ANKS1A: variants seen among roughly 807,000 people sequenced by gnomAD.
ANKS1A encodes ankyrin repeat and SAM domain-containing protein 1A.
A neutral mutation model predicts 120.3 loss-of-function variants in ANKS1A; 55 were observed. The observed-to-expected ratio is 0.46, with a 90% CI of 0.37 to 0.57. ANKS1A has a LOEUF of 0.57. Among genes scored for constraint, ANKS1A ranks in the 20% least tolerant of loss-of-function variants. ANKS1A has a pLI of 0.00. For synonymous variants in ANKS1A, 590 were observed against 604.7 expected (o/e 0.98, Z 0.36); for missense variants, 1,123 against 1,480.3 (o/e 0.76, Z 3.96).
chr6:34,917,922 T>G (rs572457875), intron 1 of ANKS1A, among the ~76,000 whole-genome samples: 6 of 152,292 alleles, frequency 3.9e-5, no homozygotes, highest in African/African-American at 1.4e-4. Flanking sequence ...CCAGCTGCCC[T>G]CCTTTCACCT....
intron 10 of ANKS1A, among the ~76,000 whole-genome samples, chr6:35,006,187 TAAAA>T (rs35521731): frequency 1.4e-4 from 18 of 128,270 alleles, no homozygotes; most frequent in East Asian, 2.3e-4. Context: ...GACTCTGTCT[TAAAA>T]AAAAAAAAAA....
intron 3 of ANKS1A, among the ~76,000 whole-genome samples, chr6:34,974,955 T>C (rs1297014945): frequency 1.3e-5 from 2 of 152,216 alleles, no homozygotes; most frequent in Non-Finnish European, 2.9e-5. Flanking sequence ...TTGAAGTGAT[T>C]GTTTTCCCAA....
intron 13 of ANKS1A, among the ~76,000 whole-genome samples, chr6:35,074,124 C>T (rs758523016): frequency 1.8e-4 from 28 of 152,268 alleles, no homozygotes; most frequent in Admixed American, 6.5e-5. Context: ...TGGCTTTCCT[C>T]GCTGTCAGCC....
chr6:35,091,071 C>T lies in ANKS1A; in HGVS notation c.*2462C>T. ...TGGGTCTGTCTTTGAGATGCCCAGGCCAGCAGAAAGCAGCTCAGAAGTATT... is the reference window on the plus strand; with the variant it reads ...TGGGTCTGTCTTTGAGATGCCCAGGTCAGCAGAAAGCAGCTCAGAAGTATT... On this transcript the variant is annotated 3_prime_UTR_variant, in exon 24 of 24. Coordinates refer to ENST00000360359, the MANE Select transcript of ANKS1A (RefSeq NM_015245.3). The T allele has an allele frequency of 1.0e-6, 1 of 985,928 alleles. No homozygotes were observed. The highest frequency in any genetic ancestry group is 4.7e-5 in the South Asian group (1 of 21,292). The allele number at this position is 985,928 out of a possible 1,614,324, so 61.1% of individuals were successfully genotyped here.
In ANKS1A at chr6:35,078,612, C is replaced by G. The variant is rs572349132; in HGVS notation, c.2239C>G (p.Gln747Glu). 1.9e-6 allele frequency: 3 copies of G among 1,606,910 alleles called. No homozygotes were observed. In the African/African-American group the frequency reaches 4.0e-5, roughly 21 times the overall value. The change falls in exon 14 of 24, where the codon CAG becomes GAG. Residue 747 changes from glutamine to glutamate, a missense_variant. This residue lies in a region of ANKS1A where 904 missense variants were observed against 1,130.4 expected (regional missense o/e 0.80). Coordinates refer to ENST00000360359, the MANE Select transcript of ANKS1A (RefSeq NM_015245.3). ...GCGGGACATCGGCATCAGCGACCCA[C>G]AGCACCGGCGGAAGCTGCTCCAGGC... ...DLRDIGISDP[Q>E]HRRKLLQAAR...
At chr6:34,991,251 T>C (rs1772490466) in intron 9 of ANKS1A, among the ~76,000 whole-genome samples, 1 of 152,160 alleles carries the variant, frequency 6.6e-6, no homozygotes, top group Admixed American at 6.5e-5. Flanking sequence ...GACCTGATCA[T>C]GAAACTGGCT....
At chr6:34,923,624 C>G (rs953023436) in intron 1 of ANKS1A, among the ~76,000 whole-genome samples, 2 of 152,120 alleles carry the variant, frequency 1.3e-5, no homozygotes, top group Admixed American at 1.3e-4. Flanking sequence ...AACAACTTGC[C>G]AAGACTACTA....
Position 35,050,711 on chromosome 6 carries a change from G to C in ANKS1A, c.2011-3388G>C, listed in dbSNP as rs1775925800. 6.6e-6 allele frequency among the ~76,000 whole-genome samples: 1 copy of C among 152,240 alleles called. No homozygotes were observed. Among genetic ancestry groups the C allele is most frequent in the South Asian group, 2.1e-4 (1 of 4,836 alleles). ...TCCCCATCTGCACAGCTCAGGCTGA[G>C]GGCTTGGGCAGACCACAGCTCCAGA... On this transcript the variant is annotated intron_variant, in intron 11 of 23. Coordinates refer to ENST00000360359, the MANE Select transcript of ANKS1A (RefSeq NM_015245.3). This position sits in a 1 kb window ranked among gnomAD's most constrained non-coding sequence, Gnocchi z 4.3.
chr6:35,064,417 G>C (rs1776662365), intron 13 of ANKS1A, among the ~76,000 whole-genome samples: 1 of 152,176 alleles, frequency 6.6e-6, no homozygotes, highest in South Asian at 2.1e-4. Context: ...TGGCAGATAG[G>C]CCCCCGCTGT....
chr6:34,991,194 G>A (rs1667471943), intron 9 of ANKS1A, among the ~76,000 whole-genome samples: 2 of 152,092 alleles, frequency 1.3e-5, no homozygotes, highest in Non-Finnish European at 1.5e-5. Context: ...GAAGCCTTTA[G>A]GAGAAGCCAG....
At chr6:34,961,840 G>T (rs1014604757) in intron 1 of ANKS1A, among the ~76,000 whole-genome samples, 1 of 152,174 alleles carries the variant, frequency 6.6e-6, no homozygotes, top group African/African-American at 2.4e-5. Context: ...TCGCGTTGCT[G>T]CTGAATTATG....
Position 35,017,394 on chromosome 6 carries a change from A to G in ANKS1A, c.1424-79A>G, listed in dbSNP as rs1234561453. On this transcript the variant is annotated intron_variant, in intron 10 of 23. Transcript: ENST00000360359. ...TCTCTGTGAATTCCTCTGCTTTGCC[A>G]TATGCTTGCTGCATTGGAACTTTGT... 2.8e-6 allele frequency: 4 copies of G among 1,447,062 alleles called. No individual in the cohort carries two copies. In the Admixed American group the frequency reaches 6.3e-5, roughly 23 times the overall value. 89.6% of individuals were successfully genotyped at this position (1,447,062 alleles called of 1,614,324 possible). A position where few individuals can be genotyped will look rare whatever the true frequency, so the allele number is the denominator to read the frequency against.
At chr6:34,921,382 A>T (rs936434091) in intron 1 of ANKS1A, among the ~76,000 whole-genome samples, 1 of 152,200 alleles carries the variant, frequency 6.6e-6, no homozygotes, top group Non-Finnish European at 1.5e-5. Context: ...AGTAGGGTTT[A>T]TTGTCCCTGT....
At chr6:35,081,893 G>T (rs1777704880) in intron 17 of ANKS1A, among the ~76,000 whole-genome samples, 1 of 152,150 alleles carries the variant, frequency 6.6e-6, no homozygotes, top group African/African-American at 2.4e-5. Flanking sequence ...GGATTAGCAG[G>T]TGTCCCTCAG....
chr6:35,018,207 C>T (rs1774147182), intron 11 of ANKS1A, 148 bp downstream of exon 11: 8 of 811,754 alleles, frequency 9.9e-6, no homozygotes, highest in African/African-American at 1.7e-5. Flanking sequence ...TTCTGACAAT[C>T]GTAAGAAGAG....
chr6:35,078,304 G>A (rs1210901112), intron 13 of ANKS1A, among the ~76,000 whole-genome samples: 4 of 152,224 alleles, frequency 2.6e-5, no homozygotes, highest in African/African-American at 9.7e-5. Flanking sequence ...GGCCTGGGCA[G>A]GCGGCACCCC....
intron 1 of ANKS1A, among the ~76,000 whole-genome samples, chr6:34,928,951 A>G (rs6937937): frequency 6.6e-6 from 1 of 152,206 alleles, no homozygotes; most frequent in Non-Finnish European, 1.5e-5. Flanking sequence ...GCCCACTTAT[A>G]CTAGCTATGC....
chr6:35,017,855 G>T lies in ANKS1A; in HGVS notation c.1806G>T (p.Gly602=), dbSNP rs149766099. The T allele has an allele frequency of 1.3e-4, 206 of 1,614,156 alleles. No homozygotes were observed. The African/African-American group carries it at 2.4e-3, about 19-fold the overall frequency. ...PGGAEEGDRS[G]ARSRAPPTSK... is the part of the protein sequence containing the mutation. Reference sequence around the variant, plus strand: ...GTGCTGAGGAAGGAGACCGGAGTGGGGCCAGGAGCCGAGCGCCTCCCACTA... The same window carrying T: ...GTGCTGAGGAAGGAGACCGGAGTGGTGCCAGGAGCCGAGCGCCTCCCACTA... The change falls in exon 11 of 24, where the codon GGG becomes GGT. Residue 602 remains glycine (G), a synonymous_variant. Transcript: ENST00000360359.
At chr6:34,978,873 G>A (rs561499082) in intron 3 of ANKS1A, among the ~76,000 whole-genome samples, 2 of 150,922 alleles carry the variant, frequency 1.3e-5, no homozygotes, top group South Asian at 2.1e-4. Context: ...GCAAGTCTGA[G>A]ATTGGACCTC....
Sources: gnomAD v4.1 joint callset for allele counts (sites outside exome capture counted in the v4.1 genomes callset) on GRCh38, gnomAD v4.1.1 for gene constraint, gnomAD v4.1.1 regional missense constraint, Gnocchi (gnomAD v3.1) non-coding constraint, MANE v1.5 for transcripts, NCBI Gene and HGNC (gene_info 2026-07-23, HGNC 2026-07-21) for gene names.